The following ITGBL1 variants were observed in gnomAD, a reference collection of about 807,000 sequenced individuals.
ITGBL1 encodes the protein integrin subunit beta like 1, also known as integrin beta-like protein 1.
A neutral mutation model predicts 68.5 loss-of-function variants in ITGBL1; 51 were observed. The ratio of observed to expected loss-of-function variants is 0.74; its 90% CI spans 0.59 to 0.94. The LOEUF is 0.94. Among genes scored for constraint, ITGBL1 ranks in the 40% least tolerant of loss-of-function variants. The pLI is 0.00. For missense variants in ITGBL1, 649 were observed against 647.4 expected (o/e 1.00, Z -0.03); for synonymous variants, 209 against 227.3 (o/e 0.92, Z 0.72).
chr13:101,543,096 CATT>C (rs2049742448), intron 2 of ITGBL1, among the ~76,000 whole-genome samples: 1 of 152,272 alleles, frequency 6.6e-6, no homozygotes, highest in Admixed American at 6.5e-5. Flanking sequence ...TTGATCCTGT[CATT>C]ATGATTTTAG....
chr13:101,513,819 C>G (rs1033908193), intron 2 of ITGBL1, among the ~76,000 whole-genome samples: 2 of 151,938 alleles, frequency 1.3e-5, no homozygotes, highest in African/African-American at 4.8e-5. Context: ...TATTTTGCAC[C>G]AATATTCTAG....
At position 101,575,479 on chromosome 13, in the gene ITGBL1, G is replaced by T. The variant is rs771229184; in HGVS notation, c.519G>T (p.Val173=). Reference sequence around the variant, plus strand: ...ATAATTCAGATGGAAGTGGACTTGTGTATGGTAAATTTTGTGAGTGTGACG... The same window carrying T: ...ATAATTCAGATGGAAGTGGACTTGTTTATGGTAAATTTTGTGAGTGTGACG... ...KCDNSDGSGL[V]YGKFCECDDR... Residue 173 remains valine, a synonymous_variant, in exon 4 of 11, where the codon GTG becomes GTT. Coordinates refer to ENST00000376180, the MANE Select transcript of ITGBL1 (RefSeq NM_004791.3). The T allele has an allele frequency of 5.0e-6, 8 of 1,612,826 alleles. No individual in the cohort carries two copies. In the East Asian group the frequency reaches 1.3e-4, roughly 27 times the overall value.
intron 9 of ITGBL1, among the ~76,000 whole-genome samples, chr13:101,707,370 T>C (rs971429985): frequency 2.6e-5 from 4 of 152,078 alleles, no homozygotes; most frequent in African/African-American, 7.2e-5. Context: ...CAGGGGAAGA[T>C]TGAAGGTGTG....
At chr13:101,667,096 C>G (rs1254253177) in intron 7 of ITGBL1, among the ~76,000 whole-genome samples, 1 of 152,154 alleles carries the variant, frequency 6.6e-6, no homozygotes, top group Non-Finnish European at 1.5e-5. Flanking sequence ...CTAAGACATG[C>G]CAAACCCTTA....
At chr13:101,584,450 G>C (rs915464505) in intron 6 of ITGBL1, among the ~76,000 whole-genome samples, 1 of 152,074 alleles carries the variant, frequency 6.6e-6, no homozygotes, top group Admixed American at 6.5e-5. Context: ...CTGCCTCATT[G>C]GTGCATGCAG....
At chr13:101,498,933 G>A (rs548317038) in intron 2 of ITGBL1, among the ~76,000 whole-genome samples, 105 of 152,274 alleles carry the variant, frequency 6.9e-4, no homozygotes, top group African/African-American at 2.4e-3. Flanking sequence ...GGCAAGGAAA[G>A]AAATGAGAAC....
chr13:101,705,307 A>AAAAAAAAAC (rs1555367877), intron 8 of ITGBL1, among the ~76,000 whole-genome samples: 2 of 144,872 alleles, frequency 1.4e-5, no homozygotes, highest in African/African-American at 5.3e-5. Flanking sequence ...AAAAAAAAAA[A>AAAAAAAAAC]AACAACAACA....
chr13:101,549,643 T>G (rs181500352), intron 2 of ITGBL1, among the ~76,000 whole-genome samples: 1 of 152,034 alleles, frequency 6.6e-6, no homozygotes, highest in Non-Finnish European at 1.5e-5. Context: ...TTTTAAAAGA[T>G]TTTTTATATA....
Position 101,575,418 on chromosome 13 carries a change from GT to G in ITGBL1, c.464-3del, listed in dbSNP as rs1566738461. On this transcript the variant is annotated splice_polypyrimidine_tract_variant and splice_region_variant and intron_variant, in intron 3 of 10. Coordinates refer to ENST00000376180, the MANE Select transcript of ITGBL1 (RefSeq NM_004791.3). ...ACAAACAGTCTTTTTTGTTTTCATG[GT>G]TTAGGTACATGTCACTGTGGCAGGT... 6.2e-7 allele frequency: 1 copy of G among 1,610,828 alleles called. No individual in the cohort carries two copies. Among genetic ancestry groups the G allele is most frequent in the South Asian group, 1.1e-5 (1 of 90,546 alleles).
At chr13:101,525,491 G>C (rs2049359955) in intron 2 of ITGBL1, among the ~76,000 whole-genome samples, 1 of 119,376 alleles carries the variant, frequency 8.4e-6, no homozygotes, top group Non-Finnish European at 1.8e-5. Flanking sequence ...CCCTTATTCT[G>C]GCCTTAGATT....
chr13:101,694,926 A>AT (rs894333474), intron 8 of ITGBL1, among the ~76,000 whole-genome samples: 1 of 152,250 alleles, frequency 6.6e-6, no homozygotes, highest in South Asian at 2.1e-4. Context: ...TGAAGTAATT[A>AT]TTTTTTCATT....
chr13:101,707,453 A>AG (rs1464185221), intron 9 of ITGBL1, among the ~76,000 whole-genome samples: 4 of 152,130 alleles, frequency 2.6e-5, no homozygotes, highest in Non-Finnish European at 4.4e-5. Flanking sequence ...GCTATGGGGG[A>AG]GGGGTAGTAT....
At chr13:101,497,322 T>C (rs1017600928) in intron 2 of ITGBL1, among the ~76,000 whole-genome samples, 3 of 152,184 alleles carry the variant, frequency 2.0e-5, no homozygotes, top group African/African-American at 7.2e-5. Context: ...ATCCCTCAAT[T>C]GTAGGTTGAT....
At chr13:101,598,380 G>T in intron 7 of ITGBL1, 81 bp downstream of exon 7, 7 of 1,144,506 alleles carry the variant, frequency 6.1e-6, no homozygotes, top group South Asian at 3.2e-5. Flanking sequence ...CTTTTTGTTT[G>T]TTTGTTTGTT....
chr13:101,705,304 A>AC (rs1555367873), intron 8 of ITGBL1, among the ~76,000 whole-genome samples: 1 of 147,366 alleles, frequency 6.8e-6, no homozygotes. Context: ...AAAAAAAAAA[A>AC]AAAAACAACA....
intron 7 of ITGBL1, among the ~76,000 whole-genome samples, chr13:101,608,135 A>G (rs1445272268): frequency 3.9e-5 from 6 of 152,074 alleles, no homozygotes; most frequent in African/African-American, 1.2e-4. Flanking sequence ...TAACTTCTAG[A>G]AAATAGAAAC....
chr13:101,619,105 A>T (rs2031484599), intron 7 of ITGBL1, among the ~76,000 whole-genome samples: 1 of 152,132 alleles, frequency 6.6e-6, no homozygotes, highest in South Asian at 2.1e-4. Flanking sequence ...GATTACGTGT[A>T]CAGCCTTCTT....
chr13:101,491,203 G>A (rs928748694), intron 2 of ITGBL1, among the ~76,000 whole-genome samples: 13 of 152,032 alleles, frequency 8.6e-5, no homozygotes, highest in African/African-American at 2.7e-4. Context: ...AAAATGCATC[G>A]GTCTTTTTTG....
intron 5 of ITGBL1, among the ~76,000 whole-genome samples, chr13:101,581,550 G>A (rs1372683673): frequency 1.3e-5 from 2 of 152,008 alleles, no homozygotes; most frequent in Non-Finnish European, 2.9e-5. Flanking sequence ...GTGCTGATTT[G>A]TAATTTTACA....
Sources: gnomAD v4.1 joint callset for allele counts (sites outside exome capture counted in the v4.1 genomes callset) on GRCh38, gnomAD v4.1.1 for gene constraint, MANE v1.5 for transcripts, NCBI Gene and HGNC (gene_info 2026-07-23, HGNC 2026-07-21) for gene names.